Variants in RPS6KC1 observed in about 807,000 individuals in gnomAD.
RPS6KC1 encodes the protein ribosomal protein S6 kinase C1.
In RPS6KC1, 54 loss-of-function variants were observed where a neutral mutation model predicts 103.8. The ratio of observed to expected loss-of-function variants is 0.52; its 90% CI spans 0.42 to 0.65. RPS6KC1 has a LOEUF of 0.65. RPS6KC1 is among the 30% of genes least tolerant of loss of function. RPS6KC1 has a pLI of 0.00. For synonymous variants in RPS6KC1, 439 were observed against 438.7 expected, an observed-to-expected ratio of 1.00 and a Z score of -0.01; for missense variants, 1,151 against 1,253.8, an observed-to-expected ratio of 0.92 and a Z score of 1.24.
At chr1:213,207,807 G>T in intron 8 of RPS6KC1, among the ~76,000 whole-genome samples, 1 of 152,024 alleles carries the variant, frequency 6.6e-6, no homozygotes, top group Non-Finnish European at 1.5e-5. Context: ...CCAAGTAGCT[G>T]GGATTACAGG....
the RPS6KC1 span, among the ~76,000 whole-genome samples, chr1:213,739,612 T>C: frequency 6.6e-6 from 1 of 151,896 alleles, no homozygotes; most frequent in Non-Finnish European, 1.5e-5. Flanking sequence ...TTTTGGAACA[T>C]TAAGAATAAA....
At chr1:213,444,869 C>T in the RPS6KC1 span, among the ~76,000 whole-genome samples, 11 of 152,008 alleles carry the variant, frequency 7.2e-5, no homozygotes, top group African/African-American at 2.7e-4. Context: ...ATTCACATAC[C>T]ATAAAATTCA....
the RPS6KC1 span, among the ~76,000 whole-genome samples, chr1:213,311,521 AGGG>A: frequency 1.3e-5 from 2 of 152,154 alleles, no homozygotes; most frequent in Non-Finnish European, 2.9e-5. Context: ...TGTGGCCAGA[AGGG>A]AGGGTAGAAA....
the RPS6KC1 span, among the ~76,000 whole-genome samples, chr1:213,373,495 A>G: frequency 3.9e-5 from 6 of 152,222 alleles, no homozygotes; most frequent in Non-Finnish European, 7.3e-5. Context: ...TTTCTTTTAC[A>G]TGAAATAAAA....
chr1:213,128,629 G>A (rs1226190731), intron 5 of RPS6KC1, among the ~76,000 whole-genome samples: 2 of 152,124 alleles, frequency 1.3e-5, no homozygotes, highest in African/African-American at 2.4e-5. Flanking sequence ...AACTAAGGTG[G>A]AAATATACCT....
chr1:213,173,278 A>G (rs2091619027), intron 7 of RPS6KC1, among the ~76,000 whole-genome samples: 1 of 152,180 alleles, frequency 6.6e-6, no homozygotes, highest in Admixed American at 6.5e-5. Context: ...TGTGATCTCA[A>G]ACTTTTATAG....
chr1:213,579,977 A>G, the RPS6KC1 span, among the ~76,000 whole-genome samples: 3 of 152,240 alleles, frequency 2.0e-5, no homozygotes, highest in South Asian at 6.2e-4. Context: ...GACTGCTAAC[A>G]CAACATCCAT....
At chr1:213,409,295 G>A in the RPS6KC1 span, among the ~76,000 whole-genome samples, 1 of 152,018 alleles carries the variant, frequency 6.6e-6, no homozygotes, top group Non-Finnish European at 1.5e-5. Flanking sequence ...AACCTAATAC[G>A]TTGTGGGGAT....
chr1:213,637,928 C>T, the RPS6KC1 span, among the ~76,000 whole-genome samples: 1 of 151,994 alleles, frequency 6.6e-6, no homozygotes, highest in African/African-American at 2.4e-5. Context: ...GTGATCCTCT[C>T]TCTTCAGCCT....
At chr1:213,190,082 C>T (rs1301720411) in intron 8 of RPS6KC1, among the ~76,000 whole-genome samples, 1 of 152,142 alleles carries the variant, frequency 6.6e-6, no homozygotes, top group African/African-American at 2.4e-5. Flanking sequence ...TGCTTCAAAT[C>T]TTGGCTATTG....
rs190933430 is a variant in RPS6KC1 at position 213,195,390 on chromosome 1, C to G, written c.1044+18898C>G. Among the ~76,000 whole-genome samples the G allele has an allele frequency of 1.3e-3, 204 of 152,234 alleles. 1 individual carries two copies. Among genetic ancestry groups the G allele is most frequent in the African/African-American group, 4.6e-3 (191 of 41,560 alleles). ...GGAATTTTCTGTACAATGTTTGCAACTTTCTAGTGACTCTACAATTATTTC... is the reference window on the plus strand; with the variant it reads ...GGAATTTTCTGTACAATGTTTGCAAGTTTCTAGTGACTCTACAATTATTTC... On this transcript the variant is annotated intron_variant, in intron 8 of 14. Transcript: ENST00000366960.
downstream of RPS6KC1, chr1:213,274,851 A>G (rs1335111754): frequency 2.6e-5 from 4 of 152,150 alleles, no homozygotes; most frequent in African/African-American, 7.2e-5. Context: ...TAAAATATAC[A>G]CTTCAGTAGT....
the RPS6KC1 span, among the ~76,000 whole-genome samples, chr1:213,516,158 A>G: frequency 2.6e-5 from 4 of 152,186 alleles, no homozygotes; most frequent in Non-Finnish European, 5.9e-5. Flanking sequence ...CTAGATATAC[A>G]ATCATGTCAT....
chr1:213,585,270 T>C, the RPS6KC1 span, among the ~76,000 whole-genome samples: 1 of 152,210 alleles, frequency 6.6e-6, no homozygotes, highest in Non-Finnish European at 1.5e-5. Context: ...GGTCTGTGGC[T>C]GTGGATGGTG....
At chr1:213,230,282 G>A (rs372274091) in intron 8 of RPS6KC1, among the ~76,000 whole-genome samples, 3 of 151,854 alleles carry the variant, frequency 2.0e-5, no homozygotes, top group African/African-American at 7.3e-5. Context: ...TCTAAAATAC[G>A]GCATTTTTAG....
intron 8 of RPS6KC1, among the ~76,000 whole-genome samples, chr1:213,203,688 G>A (rs1426388587): frequency 2.0e-5 from 3 of 151,840 alleles, no homozygotes; most frequent in Non-Finnish European, 4.4e-5. Flanking sequence ...CAAACAATAA[G>A]CTAAAAAAAG....
At chr1:213,185,849 A>G (rs2092502211) in intron 8 of RPS6KC1, among the ~76,000 whole-genome samples, 1 of 150,154 alleles carries the variant, frequency 6.7e-6, no homozygotes, top group African/African-American at 2.5e-5. Flanking sequence ...TTTAATTTGT[A>G]GCTTTTTATT....
intron 8 of RPS6KC1, among the ~76,000 whole-genome samples, chr1:213,218,614 C>G (rs1460823274): frequency 6.6e-6 from 1 of 151,946 alleles, no homozygotes; most frequent in East Asian, 1.9e-4. Flanking sequence ...TACCTGACTT[C>G]AAACTATACT....
chr1:213,734,421 AAT>A, the RPS6KC1 span, among the ~76,000 whole-genome samples: 1 of 146,280 alleles, frequency 6.8e-6, no homozygotes, highest in Admixed American at 6.9e-5. Context: ...AGCTTTTACT[AAT>A]ATGTTACAAG....
Sources: gnomAD v4.1 joint callset for allele counts (sites outside exome capture counted in the v4.1 genomes callset) on GRCh38, gnomAD v4.1.1 for gene constraint, MANE v1.5 for transcripts, NCBI Gene and HGNC (gene_info 2026-07-23, HGNC 2026-07-21) for gene names.